Variants in SMAD4 observed in about 807,000 individuals in gnomAD.
The protein encoded by SMAD4 is MAD homolog 4.
Under a neutral mutation model 63.2 loss-of-function variants are expected in SMAD4, and 7 were observed. The observed-to-expected ratio is 0.11, with a 90% CI of 0.06 to 0.21. The LOEUF is 0.21. Among genes scored for constraint, SMAD4 ranks in the 10% least tolerant of loss-of-function variants. The probability of loss-of-function intolerance (pLI) is 1.00; values close to 1 mark genes in which losing one functional copy is unlikely to be tolerated. For missense variants in SMAD4, 312 were observed against 693.8 expected (o/e 0.45, Z 6.18); for synonymous variants, 215 against 235.4 (o/e 0.91, Z 0.79).
At chr18:51,064,221 C>T (rs1385748403) in intron 8 of SMAD4, among the ~76,000 whole-genome samples, 1 of 152,148 alleles carries the variant, frequency 6.6e-6, no homozygotes, top group Non-Finnish European at 1.5e-5. Flanking sequence ...CCTATTTCCA[C>T]CCTGGGGTCT....
intron 10 of SMAD4, among the ~76,000 whole-genome samples, chr18:51,069,149 C>T (rs1268983896): frequency 1.3e-5 from 2 of 152,132 alleles, no homozygotes; most frequent in African/African-American, 4.8e-5. Context: ...CAGAGTCTTG[C>T]TCTGTCACCC....
At position 51,034,550 on chromosome 18, in the gene SMAD4, C is replaced by G. The variant is rs554342696; in HGVS notation, c.-128+3927C>G. Among the ~76,000 whole-genome samples the G allele has an allele frequency of 2.0e-5, 3 of 148,498 alleles. No individual in the cohort carries two copies. The East Asian group carries it at 6.1e-4, about 30-fold the overall frequency. ...ATAGGCATGAGCCACCGCGCCCAGC[C>G]TTTTTTTCCTTTTTCTTTCCATCTT... On this transcript the variant is annotated intron_variant, in intron 1 of 11. Coordinates refer to ENST00000342988, the MANE Select transcript of SMAD4 (RefSeq NM_005359.6).
Position 51,076,640 on chromosome 18 carries a change from C to T in SMAD4, c.1311C>T (p.Val437=), listed in dbSNP as rs751539807. 6.2e-7 allele frequency: 1 copy of T among 1,613,580 alleles called. No homozygotes were observed. Among genetic ancestry groups the T allele is most frequent in the Non-Finnish European group, 8.5e-7 (1 of 1,179,694 alleles). ...HKIYPSAYIK[V]FDLRQCHRQM... is the part of the protein sequence containing the mutation. ...TATGAAATGTTTTTTCTTAAAAGGT[C>T]TTTGATTTGCGTCAGTGTCATCGAC... Residue 437 remains valine, a splice_region_variant and synonymous_variant, in exon 11 of 12, where the codon GTC becomes GTT. Coordinates refer to ENST00000342988, the MANE Select transcript of SMAD4 (RefSeq NM_005359.6).
intron 1 of SMAD4, among the ~76,000 whole-genome samples, chr18:51,042,324 C>CCTCCCTCTCTCCCTCT (rs565604027): frequency 9.2e-6 from 1 of 108,248 alleles, no homozygotes; most frequent in Non-Finnish European, 2.0e-5. Context: ...TCCCTCCCTC[C>CCTCCCTCTCTCCCTCT]CTCCCTCTCT....
At chr18:51,051,202 C>G (rs1909701715) in intron 4 of SMAD4, 1 of 327,866 alleles carries the variant, frequency 3.1e-6, no homozygotes, top group Non-Finnish European at 6.0e-6. Flanking sequence ...TCATCACACA[C>G]CTCCCCTATT....
intron 4 of SMAD4, chr18:51,053,409 T>C (rs538314102): frequency 1.3e-5 from 2 of 152,190 alleles, no homozygotes; most frequent in Non-Finnish European, 2.9e-5. Context: ...TTTCTTTTTA[T>C]TATTTTTATA....
At chr18:51,049,369 CCT>C (rs1909640930) in intron 4 of SMAD4, 45 bp downstream of exon 4, 3 of 1,468,876 alleles carry the variant, frequency 2.0e-6, no homozygotes, top group South Asian at 2.3e-5. Flanking sequence ...TTTGTCCTAT[CCT>C]CTCTGTTTTT....
intron 8 of SMAD4, among the ~76,000 whole-genome samples, chr18:51,060,389 A>G (rs1909976112): frequency 6.6e-6 from 1 of 152,230 alleles, no homozygotes; most frequent in Non-Finnish European, 1.5e-5. Context: ...CTTCAGTTCA[A>G]AGTTTGTGTA....
chr18:51,073,098 C>G (rs140896259), intron 10 of SMAD4, among the ~76,000 whole-genome samples: 1 of 151,922 alleles, frequency 6.6e-6, no homozygotes, highest in Non-Finnish European at 1.5e-5. Flanking sequence ...CCCAATGAAT[C>G]ATTTTTACTG....
At chr18:51,033,111 G>A (rs1270166184) in intron 1 of SMAD4, among the ~76,000 whole-genome samples, 1 of 151,602 alleles carries the variant, frequency 6.6e-6, no homozygotes, top group African/African-American at 2.4e-5. Flanking sequence ...ACCATTAATC[G>A]CGTATAAAAG....
intron 5 of SMAD4, among the ~76,000 whole-genome samples, chr18:51,057,300 T>TA (rs1909870874): frequency 6.6e-6 from 1 of 152,106 alleles, no homozygotes; most frequent in African/African-American, 2.4e-5. Context: ...TAATGCTCTT[T>TA]AAGAAACCAA....
intron 1 of SMAD4, among the ~76,000 whole-genome samples, chr18:51,033,035 T>C (rs1451554528): frequency 2.6e-5 from 4 of 152,132 alleles, no homozygotes; most frequent in Non-Finnish European, 2.9e-5. Flanking sequence ...ACTAGAAGAC[T>C]GTGTGGTTAC....
In SMAD4 at chr18:51,049,288, A is replaced by G. The variant is rs1444970928; in HGVS notation, c.425-7A>G. 6.4e-7 allele frequency: 1 copy of G among 1,569,922 alleles called. No homozygotes were observed. The highest frequency in any genetic ancestry group is 8.8e-7 in the Non-Finnish European group (1 of 1,141,058). ...GTTTCATTTGTTTTCCCCTTTAAAC[A>G]ATTAAGATCTCTCAGGATTAACACT... On this transcript the variant is annotated splice_polypyrimidine_tract_variant and splice_region_variant and intron_variant, in intron 3 of 11. Coordinates refer to ENST00000342988, the MANE Select transcript of SMAD4 (RefSeq NM_005359.6).
chr18:51,033,883 A>T (rs1909123054), intron 1 of SMAD4, among the ~76,000 whole-genome samples: 1 of 152,290 alleles, frequency 6.6e-6, no homozygotes, highest in East Asian at 1.9e-4. Flanking sequence ...TACATATGTA[A>T]AACTAAGATG....
intron 7 of SMAD4, 51 bp downstream of exon 7, chr18:51,058,507 G>A (rs765226990): frequency 9.1e-7 from 1 of 1,094,160 alleles, no homozygotes; most frequent in Admixed American, 2.0e-5. Context: ...TTTTTGGTAG[G>A]GCTTTGTTTT....
In SMAD4 at chr18:51,035,827, T is replaced by G. The variant is rs150708940; in HGVS notation, c.-128+5204T>G. ...GTTTCATCTCTGTCTCTGGAAGAGC[T>G]ATTTAAAAAAATAAAAATATTTTTT... is the stretch of plus-strand genomic sequence containing the variant. On this transcript the variant is annotated intron_variant, in intron 1 of 11. Transcript: ENST00000342988. Among the ~76,000 whole-genome samples the G allele has an allele frequency of 2.0e-3, 301 of 152,304 alleles. 1 individual carries two copies. Among genetic ancestry groups the G allele is most frequent in the Non-Finnish European group, 3.5e-3 (239 of 68,026 alleles).
intron 1 of SMAD4, among the ~76,000 whole-genome samples, chr18:51,034,984 A>G (rs1404939182): frequency 2.6e-5 from 4 of 152,218 alleles, no homozygotes; most frequent in African/African-American, 9.6e-5. Context: ...TGATTGAGTC[A>G]TTAGGGTCCT....
At chr18:51,050,483 C>T (rs866143461) in intron 4 of SMAD4, among the ~76,000 whole-genome samples, 1 of 151,660 alleles carries the variant, frequency 6.6e-6, no homozygotes. Flanking sequence ...CACAGTGAAA[C>T]CCCGTCTCTA....
chr18:51,051,205 C>T (rs1909701833), intron 4 of SMAD4: 1 of 332,426 alleles, frequency 3.0e-6, no homozygotes, highest in Non-Finnish European at 5.9e-6. Flanking sequence ...TCACACACCT[C>T]CCCTATTCTA....
Sources: gnomAD v4.1 joint callset for allele counts (sites outside exome capture counted in the v4.1 genomes callset) on GRCh38, gnomAD v4.1.1 for gene constraint, MANE v1.5 for transcripts, NCBI Gene and HGNC (gene_info 2026-07-23, HGNC 2026-07-21) for gene names.